Variants in MIPOL1 observed in about 807,000 individuals in gnomAD.
MIPOL1 encodes the protein mirror-image polydactyly gene 1 protein.
MIPOL1 carries 57 observed loss-of-function variants against 60.9 expected under a neutral mutation model. That is an observed-to-expected ratio of 0.94 (90% CI 0.76 to 1.17). The LOEUF (loss-of-function observed/expected upper bound fraction) is 1.17, where lower values mean the gene tolerates loss of function less well. Ranked by LOEUF, MIPOL1 falls within the 50% of genes most tolerant of loss-of-function variation. The probability of loss-of-function intolerance (pLI) is 0.00; values close to 1 mark genes in which losing one functional copy is unlikely to be tolerated. For synonymous variants in MIPOL1, 179 were observed against 168.8 expected, an observed-to-expected ratio of 1.06 and a Z score of -0.47; for missense variants, 551 against 511.6, an observed-to-expected ratio of 1.08 and a Z score of -0.74.
At chr14:37,454,341 C>T (rs1424752102) in intron 11 of MIPOL1, among the ~76,000 whole-genome samples, 3 of 152,164 alleles carry the variant, frequency 2.0e-5, no homozygotes, top group Non-Finnish European at 4.4e-5. Context: ...CCCTCAATTT[C>T]CCATACTGCC....
At chr14:37,486,644 A>C (rs1156720376) in intron 11 of MIPOL1, among the ~76,000 whole-genome samples, 1 of 152,104 alleles carries the variant, frequency 6.6e-6, no homozygotes. Context: ...TTATTGGTGT[A>C]TAGGAATGCT....
At chr14:37,451,680 A>T (rs549598185) in intron 11 of MIPOL1, among the ~76,000 whole-genome samples, 176 of 152,278 alleles carry the variant, frequency 1.2e-3, no homozygotes, top group African/African-American at 3.9e-3. Flanking sequence ...TAAAAATCAA[A>T]GCATGAGTTA....
At chr14:37,410,299 T>C (rs972581741) in intron 10 of MIPOL1, among the ~76,000 whole-genome samples, 2 of 152,136 alleles carry the variant, frequency 1.3e-5, no homozygotes, top group Non-Finnish European at 2.9e-5. Flanking sequence ...ATGGCACATG[T>C]ATAGATATGT....
intron 11 of MIPOL1, among the ~76,000 whole-genome samples, chr14:37,441,748 ACT>A (rs2094249341): frequency 6.6e-6 from 1 of 151,600 alleles, no homozygotes; most frequent in Admixed American, 6.6e-5. Flanking sequence ...AGTTATTCAT[ACT>A]CTCTTTTGGT....
In MIPOL1 at chr14:37,298,742, A is replaced by T. The variant is rs9707528; in HGVS notation, c.624-9314A>T. On this transcript the variant is annotated intron_variant, in intron 7 of 12. Transcript: ENST00000684589. ...TCAGATAAATGCAAATCAAAACCAC[A>T]ATGAGATACCATCTCACACCAGTTA... is the stretch of plus-strand genomic sequence containing the variant. Among the ~76,000 whole-genome samples, 1,233 of 152,120 alleles carry T rather than the reference A, an allele frequency of 8.1e-3. 26 individuals carry two copies. The highest frequency in any genetic ancestry group is 0.068 in the East Asian group (354 of 5,168).
intron 11 of MIPOL1, among the ~76,000 whole-genome samples, chr14:37,428,399 T>C (rs1178689391): frequency 6.6e-6 from 1 of 152,192 alleles, no homozygotes; most frequent in African/African-American, 2.4e-5. Context: ...AAGACCAGCC[T>C]GGGCAACATG....
chr14:37,526,731 T>A (rs8005136), intron 12 of MIPOL1, among the ~76,000 whole-genome samples: 1 of 151,800 alleles, frequency 6.6e-6, no homozygotes, highest in Admixed American at 6.6e-5. Context: ...AAATGAGCAG[T>A]CTTCCTCAAA....
At chr14:37,216,527 G>A (rs183214864) in intron 1 of MIPOL1, among the ~76,000 whole-genome samples, 2 of 152,312 alleles carry the variant, frequency 1.3e-5, no homozygotes, top group African/African-American at 4.8e-5. Flanking sequence ...TAGACCATAT[G>A]TTAGTTCACA....
At chr14:37,368,930 T>G (rs1247830405) in intron 9 of MIPOL1, among the ~76,000 whole-genome samples, 1 of 152,032 alleles carries the variant, frequency 6.6e-6, no homozygotes, top group Non-Finnish European at 1.5e-5. Context: ...GTTAACCACT[T>G]TTACTTAAAA....
intron 10 of MIPOL1, among the ~76,000 whole-genome samples, chr14:37,417,551 T>C (rs887079503): frequency 1.3e-5 from 2 of 152,192 alleles, no homozygotes; most frequent in Non-Finnish European, 2.9e-5. Context: ...TTTATCCTTT[T>C]GAAAATAGCT....
chr14:37,532,211 C>G (rs1289261168), intron 12 of MIPOL1, among the ~76,000 whole-genome samples: 1 of 152,142 alleles, frequency 6.6e-6, no homozygotes, highest in Non-Finnish European at 1.5e-5. Flanking sequence ...AAAAGTCCAT[C>G]TCTGTGATCA....
chr14:37,250,658 G>A (rs1973935218), intron 3 of MIPOL1, among the ~76,000 whole-genome samples: 1 of 152,110 alleles, frequency 6.6e-6, no homozygotes, highest in Non-Finnish European at 1.5e-5. Flanking sequence ...CTCCCTGATG[G>A]CAGGGTTCAT....
At chr14:37,295,313 A>G (rs555784322) in intron 7 of MIPOL1, among the ~76,000 whole-genome samples, 3 of 152,312 alleles carry the variant, frequency 2.0e-5, no homozygotes, top group South Asian at 2.1e-4. Context: ...AGCACTAACC[A>G]TGGAAAGGAA....
intron 9 of MIPOL1, among the ~76,000 whole-genome samples, chr14:37,332,725 A>G (rs1006994934): frequency 3.3e-5 from 5 of 152,030 alleles, no homozygotes; most frequent in African/African-American, 7.2e-5. Flanking sequence ...TCTGTGGTAC[A>G]TATCAGGCAA....
intron 9 of MIPOL1, among the ~76,000 whole-genome samples, chr14:37,350,112 A>G (rs563959570): frequency 1.3e-5 from 2 of 152,320 alleles, no homozygotes; most frequent in African/African-American, 4.8e-5. Flanking sequence ...CACTCTGTCG[A>G]CTAAGCTGGA....
intron 9 of MIPOL1, among the ~76,000 whole-genome samples, chr14:37,355,494 C>A (rs1179202656): frequency 9.2e-5 from 14 of 151,484 alleles, no homozygotes; most frequent in African/African-American, 2.9e-4. Flanking sequence ...TAATATCCTG[C>A]AGAGTGTTTT....
chr14:37,255,467 T>C (rs928531277), intron 3 of MIPOL1, among the ~76,000 whole-genome samples: 5 of 151,998 alleles, frequency 3.3e-5, no homozygotes, highest in Admixed American at 2.6e-4. Context: ...TACATTTACT[T>C]AGTACTCTTT....
chr14:37,446,650 A>G (rs944920314), intron 11 of MIPOL1, among the ~76,000 whole-genome samples: 2 of 152,196 alleles, frequency 1.3e-5, no homozygotes, highest in African/African-American at 4.8e-5. Flanking sequence ...CACTATTCAC[A>G]ATAGCAAAGA....
At chr14:37,370,124 A>G (rs1247896489) in intron 10 of MIPOL1, among the ~76,000 whole-genome samples, 1 of 152,202 alleles carries the variant, frequency 6.6e-6, no homozygotes, top group African/African-American at 2.4e-5. Flanking sequence ...AGAGAGAAAG[A>G]TGGTAAATAA....
Sources: gnomAD v4.1 joint callset for allele counts (sites outside exome capture counted in the v4.1 genomes callset) on GRCh38, gnomAD v4.1.1 for gene constraint, MANE v1.5 for transcripts, NCBI Gene and HGNC (gene_info 2026-07-23, HGNC 2026-07-21) for gene names.